The following MIPOL1 variants were observed in gnomAD, a reference collection of about 807,000 sequenced individuals.
MIPOL1 encodes the protein mirror-image polydactyly gene 1 protein.
A neutral mutation model predicts 60.9 loss-of-function variants in MIPOL1; 57 were observed. The ratio of observed to expected loss-of-function variants is 0.94; its 90% CI spans 0.76 to 1.17. The LOEUF (loss-of-function observed/expected upper bound fraction) is 1.17, where lower values mean the gene tolerates loss of function less well. Ranked by LOEUF, MIPOL1 falls within the 50% of genes most tolerant of loss-of-function variation. The pLI is 0.00. For synonymous variants in MIPOL1, 179 were observed against 168.8 expected, an observed-to-expected ratio of 1.06 and a Z score of -0.47; for missense variants, 551 against 511.6, an observed-to-expected ratio of 1.08 and a Z score of -0.74.
intron 12 of MIPOL1, among the ~76,000 whole-genome samples, chr14:37,540,816 T>C (rs911086198): frequency 1.2e-4 from 18 of 152,186 alleles, no homozygotes; most frequent in Non-Finnish European, 1.8e-4. Context: ...CCTTACCCCA[T>C]GTAATAGGAA....
intron 7 of MIPOL1, among the ~76,000 whole-genome samples, chr14:37,296,456 G>C (rs536385167): frequency 6.6e-6 from 1 of 152,258 alleles, no homozygotes; most frequent in South Asian, 2.1e-4. Flanking sequence ...ACTAAGATCA[G>C]AGCAGAACTG....
rs200644540 is a variant in MIPOL1 at position 37,331,185 on chromosome 14, C to CT, written c.828+22675dup. ...GTCATATAATGCCTGAAGCTTTATTCTTTTTTTTTCAAGATTGCTTTGACT... is the reference window on the plus strand; with the variant it reads ...GTCATATAATGCCTGAAGCTTTATTCTTTTTTTTTTCAAGATTGCTTTGACT... On this transcript the variant is annotated intron_variant, in intron 9 of 12. Transcript: ENST00000684589. 6.4e-4 allele frequency among the ~76,000 whole-genome samples: 96 copies of CT among 149,618 alleles called. 1 individual carries two copies. Among genetic ancestry groups the CT allele is most frequent in the African/African-American group, 1.9e-3 (76 of 40,702 alleles).
intron 11 of MIPOL1, among the ~76,000 whole-genome samples, chr14:37,429,223 A>G (rs1251650478): frequency 6.6e-6 from 1 of 152,194 alleles, no homozygotes; most frequent in East Asian, 1.9e-4. Context: ...CTCTTTTCTA[A>G]TTGAGGGAAT....
chr14:37,471,962 G>A (rs1182376554), intron 11 of MIPOL1, among the ~76,000 whole-genome samples: 1 of 152,192 alleles, frequency 6.6e-6, no homozygotes, highest in African/African-American at 2.4e-5. Flanking sequence ...ATAGGAGGAA[G>A]GGAAGCAGGG....
chr14:37,484,728 G>T (rs2094922188), intron 11 of MIPOL1, among the ~76,000 whole-genome samples: 2 of 151,764 alleles, frequency 1.3e-5, no homozygotes, highest in Admixed American at 1.3e-4. Flanking sequence ...CATTTTTATT[G>T]TTCTCTCTTC....
chr14:37,495,191 A>G (rs1440454888), intron 11 of MIPOL1, among the ~76,000 whole-genome samples: 1 of 149,798 alleles, frequency 6.7e-6, no homozygotes, highest in Non-Finnish European at 1.5e-5. Context: ...CAGGTTAGTT[A>G]CATATGTATA....
At chr14:37,380,619 A>G (rs544500227) in intron 10 of MIPOL1, among the ~76,000 whole-genome samples, 3 of 152,168 alleles carry the variant, frequency 2.0e-5, no homozygotes, top group Non-Finnish European at 4.4e-5. Flanking sequence ...ATTTATGACA[A>G]ATGTAAATGT....
chr14:37,223,338 T>G (rs1969148214), intron 1 of MIPOL1, among the ~76,000 whole-genome samples: 1 of 151,850 alleles, frequency 6.6e-6, no homozygotes, highest in African/African-American at 2.4e-5. Context: ...TGGCCTGGTG[T>G]TTACTTAGTT....
intron 1 of MIPOL1, among the ~76,000 whole-genome samples, chr14:37,239,674 C>G (rs931366542): frequency 6.6e-6 from 1 of 151,836 alleles, no homozygotes; most frequent in African/African-American, 2.4e-5. Context: ...CATTTTTATC[C>G]CATGTTATGG....
At chr14:37,236,867 T>G (rs775427763) in intron 1 of MIPOL1, among the ~76,000 whole-genome samples, 1 of 152,164 alleles carries the variant, frequency 6.6e-6, no homozygotes, top group Non-Finnish European at 1.5e-5. Context: ...CTTTGCAAAT[T>G]GCTTTGTGCT....
intron 1 of MIPOL1, among the ~76,000 whole-genome samples, chr14:37,234,571 GT>G (rs1278316459): frequency 1.3e-5 from 2 of 152,006 alleles, no homozygotes; most frequent in Non-Finnish European, 2.9e-5. Context: ...CTGGCCTCAA[GT>G]AATTCTCCTG....
intron 1 of MIPOL1, among the ~76,000 whole-genome samples, chr14:37,234,045 A>G (rs185959695): frequency 5.3e-5 from 8 of 152,310 alleles, no homozygotes; most frequent in African/African-American, 1.9e-4. Context: ...ATGCTTCAGG[A>G]TCTTGATCCT....
chr14:37,500,934 C>T (rs2095206813), intron 12 of MIPOL1, among the ~76,000 whole-genome samples: 1 of 152,166 alleles, frequency 6.6e-6, no homozygotes, highest in Non-Finnish European at 1.5e-5. Flanking sequence ...CAAAGATATA[C>T]CTTTTTCCTT....
At chr14:37,527,379 T>G (rs1413194366) in intron 12 of MIPOL1, among the ~76,000 whole-genome samples, 1 of 152,098 alleles carries the variant, frequency 6.6e-6, no homozygotes, top group Non-Finnish European at 1.5e-5. Flanking sequence ...TTAGAACTGT[T>G]TGTAAACTTA....
chr14:37,303,067 A>G (rs2086457129), intron 7 of MIPOL1, among the ~76,000 whole-genome samples: 1 of 151,980 alleles, frequency 6.6e-6, no homozygotes, highest in South Asian at 2.1e-4. Flanking sequence ...ATCAGTCACC[A>G]ATTTTATTCA....
At chr14:37,248,638 A>C (rs146242024) in intron 3 of MIPOL1, among the ~76,000 whole-genome samples, 25 of 152,134 alleles carry the variant, frequency 1.6e-4, no homozygotes, top group African/African-American at 4.6e-4. Flanking sequence ...ATATCTATAT[A>C]TATATCTCTC....
Position 37,207,534 on chromosome 14 carries a change from ATATTAT to A in MIPOL1, c.-199+9450_-199+9455del, listed in dbSNP as rs112163576. On this transcript the variant is annotated intron_variant, in intron 1 of 12. Coordinates refer to ENST00000684589, the MANE Select transcript of MIPOL1 (RefSeq NM_001388067.1). Reference sequence around the variant, plus strand: ...CAGTTTAAACTTATTTGAGGATATGATATTATTATTATTATTATTATTATTTTTTGA... The same window carrying A: ...CAGTTTAAACTTATTTGAGGATATGATATTATTATTATTATTATTTTTTGA... Among the ~76,000 whole-genome samples, 7 of 150,438 alleles carry A rather than the reference ATATTAT, an allele frequency of 4.7e-5. No individual in the cohort carries two copies. In the South Asian group the frequency reaches 1.1e-3, roughly 23 times the overall value.
At chr14:37,264,166 A>T (rs1343445540) in intron 3 of MIPOL1, among the ~76,000 whole-genome samples, 1 of 152,184 alleles carries the variant, frequency 6.6e-6, no homozygotes, top group Non-Finnish European at 1.5e-5. Context: ...AACTGCTTTC[A>T]TCTTCTCTTG....
At chr14:37,378,083 A>T (rs190130288) in intron 10 of MIPOL1, among the ~76,000 whole-genome samples, 1 of 152,134 alleles carries the variant, frequency 6.6e-6, no homozygotes, top group East Asian at 1.9e-4. Context: ...TCTTTCATAC[A>T]TTGCTGTTAG....
Sources: allele counts gnomAD v4.1 joint callset (sites outside exome capture counted in the v4.1 genomes callset), GRCh38; gene constraint gnomAD v4.1.1; transcripts MANE v1.5; gene names NCBI Gene and HGNC (gene_info 2026-07-23, HGNC 2026-07-21).